ANK1: variants seen among roughly 807,000 people sequenced by gnomAD.
ANK1 encodes the protein ankyrin-1.
In ANK1, 51 loss-of-function variants were observed where a neutral mutation model predicts 210.4. The observed-to-expected ratio is 0.24, with a 90% confidence interval of 0.19 to 0.31. The LOEUF (loss-of-function observed/expected upper bound fraction) is 0.31, where lower values mean the gene tolerates loss of function less well. ANK1 is among the 10% of genes least tolerant of loss of function. The probability of loss-of-function intolerance (pLI) is 1.00; values close to 1 mark genes in which losing one functional copy is unlikely to be tolerated. For synonymous variants in ANK1, 967 were observed against 1,025.9 expected (o/e 0.94, Z 1.10); for missense variants, 2,051 against 2,504.4 (o/e 0.82, Z 3.86).
chr8:41,847,705 A>G (rs992456368), intron 1 of ANK1, among the ~76,000 whole-genome samples: 1 of 152,194 alleles, frequency 6.6e-6, no homozygotes, highest in Non-Finnish European at 1.5e-5. Flanking sequence ...AAATTAAGAC[A>G]TTACAGAGCG....
intron 38 of ANK1, among the ~76,000 whole-genome samples, chr8:41,670,321 G>A (rs1320857645): frequency 1.3e-5 from 2 of 151,912 alleles, no homozygotes; most frequent in Non-Finnish European, 2.9e-5. Context: ...AAATTCATCT[G>A]TCCCCATGAG....
rs1848888216 is a variant in ANK1 at position 41,797,082 on chromosome 8, C to T, written c.27+430G>A. Among the ~76,000 whole-genome samples, 1 of 152,206 alleles carries T rather than the reference C, an allele frequency of 6.6e-6. No individual in the cohort carries two copies. Among genetic ancestry groups the T allele is most frequent in the African/African-American group, 2.4e-5 (1 of 41,460 alleles). ...CAAGCCAAAGTCCCCTTCCAAATGACAGTGACAGCCCCCTAGCCGGGTGGC... is the reference window on the plus strand; with the variant it reads ...CAAGCCAAAGTCCCCTTCCAAATGATAGTGACAGCCCCCTAGCCGGGTGGC... On this transcript the variant is annotated intron_variant, in intron 1 of 42. Transcript: ENST00000289734. The surrounding 1 kb of genome is among the most constrained non-coding windows in gnomAD (Gnocchi z 4.0).
chr8:41,751,383 C>T (rs569147688), intron 2 of ANK1, among the ~76,000 whole-genome samples: 1 of 152,282 alleles, frequency 6.6e-6, no homozygotes, highest in East Asian at 1.9e-4. Flanking sequence ...GGAAGACCTG[C>T]TCGATGTTAC....
chr8:41,723,891 G>A (rs1332896010), intron 7 of ANK1, among the ~76,000 whole-genome samples: 4 of 150,594 alleles, frequency 2.7e-5, no homozygotes, highest in African/African-American at 9.8e-5. Context: ...CCGGGTTCAC[G>A]CCATTCTCCT....
chr8:41,666,577 C>T (rs564888972), intron 39 of ANK1, among the ~76,000 whole-genome samples: 4 of 152,364 alleles, frequency 2.6e-5, no homozygotes, highest in Middle Eastern at 3.4e-3. Context: ...TTTCAGGCCA[C>T]CTCCCAAGTC....
chr8:41,876,568 C>T (rs1371964678), intron 1 of ANK1, among the ~76,000 whole-genome samples: 4 of 152,262 alleles, frequency 2.6e-5, no homozygotes, highest in Non-Finnish European at 5.9e-5. Flanking sequence ...TGATACCTAG[C>T]CGACCCCAGC....
In ANK1 at chr8:41,694,031, G is replaced by A. The variant is rs117516263; in HGVS notation, c.3399C>T (p.Thr1133=). The A allele has an allele frequency of 4.8e-3, 7,809 of 1,614,026 alleles. 31 individuals carry two copies. Among genetic ancestry groups the A allele is most frequent in the Non-Finnish European group, 5.5e-3 (6,476 of 1,179,948 alleles). ...GNQATFSPIV[T]VEPRRRKFHR... is the part of the protein sequence containing the mutation. Reference sequence around the variant, plus strand: ...GGAACTTCCGGCGCCGGGGCTCCACGGTGACAATGGGGCTGAATGTGGCCT... The same window carrying A: ...GGAACTTCCGGCGCCGGGGCTCCACAGTGACAATGGGGCTGAATGTGGCCT... The change falls in exon 29 of 43, where the codon ACC becomes ACT. Residue 1133 remains threonine, a synonymous_variant. Coordinates refer to ENST00000289734, the MANE Select transcript of ANK1 (RefSeq NM_000037.4). This position sits in a 1 kb window ranked among gnomAD's most constrained non-coding sequence, Gnocchi z 5.7.
chr8:41,688,484 G>C (rs1818317007), intron 34 of ANK1, 27 bp downstream of exon 34: 1 of 1,608,652 alleles, frequency 6.2e-7, no homozygotes. Context: ...AAGGGAGCAA[G>C]CATGCATCAT....
chr8:41,791,953 A>T (rs561412520), intron 1 of ANK1, among the ~76,000 whole-genome samples: 112 of 152,070 alleles, frequency 7.4e-4, no homozygotes, highest in African/African-American at 2.6e-3. Flanking sequence ...TGTTTTTCCT[A>T]ATCTGTCTAT....
intron 37 of ANK1, among the ~76,000 whole-genome samples, chr8:41,678,844 C>T (rs1306771422): frequency 1.3e-5 from 2 of 152,272 alleles, no homozygotes; most frequent in Non-Finnish European, 2.9e-5. Flanking sequence ...AATGCAATGA[C>T]ACTATCTCGG....
intron 1 of ANK1, among the ~76,000 whole-genome samples, chr8:41,822,477 C>T (rs180782147): frequency 5.3e-5 from 8 of 152,276 alleles, no homozygotes; most frequent in East Asian, 3.9e-4. Context: ...CTTCAATATA[C>T]GCATATTAAC....
chr8:41,753,466 T>C (rs1431569715), intron 2 of ANK1, among the ~76,000 whole-genome samples: 2 of 151,970 alleles, frequency 1.3e-5, no homozygotes, highest in Admixed American at 1.3e-4. Context: ...TAACATCTGG[T>C]GCAGCTGGTT....
intron 1 of ANK1, among the ~76,000 whole-genome samples, chr8:41,835,920 C>T (rs1175239286): frequency 6.6e-6 from 1 of 152,224 alleles, no homozygotes; most frequent in African/African-American, 2.4e-5. Flanking sequence ...CCAGCACAAG[C>T]TCCCAGAGTC....
intron 1 of ANK1, among the ~76,000 whole-genome samples, chr8:41,805,169 CTT>C (rs1311475539): frequency 3.2e-5 from 4 of 124,824 alleles, no homozygotes; most frequent in Non-Finnish European, 6.0e-5. Flanking sequence ...CTCTCTCTCT[CTT>C]TCTTTCTTTC....
chr8:41,831,644 A>AG (rs1387516481), intron 1 of ANK1, among the ~76,000 whole-genome samples: 1 of 127,096 alleles, frequency 7.9e-6, no homozygotes, highest in African/African-American at 3.0e-5. Context: ...TCTGTCAAAA[A>AG]AAAAAAAAAA....
In ANK1 at chr8:41,723,201, C is replaced by G. The variant is rs777845119; in HGVS notation, c.833G>C (p.Cys278Ser). ...TCGCACGTGCCCATTTCGAGCTGCA[C>G]AGTGGAGAGGTGTCAATTCGTCCTT... The part of the protein sequence containing the change: ...KTKDELTPLH[C>S]AARNGHVRIS... The change falls in exon 9 of 43, where the codon TGT becomes TCT. Residue 278 changes from cysteine (C) to serine (S), a missense_variant. Coordinates refer to ENST00000289734, the MANE Select transcript of ANK1 (RefSeq NM_000037.4). 1 of 1,614,096 alleles carries G rather than the reference C, an allele frequency of 6.2e-7. No homozygotes were observed. Among genetic ancestry groups the G allele is most frequent in the Non-Finnish European group, 8.5e-7 (1 of 1,180,020 alleles).
chr8:41,798,499 G>C (rs557907394), upstream of ANK1, among the ~76,000 whole-genome samples: 39 of 152,336 alleles, frequency 2.6e-4, no homozygotes, highest in African/African-American at 8.7e-4. Flanking sequence ...GACCATCCCA[G>C]GCCAAGCTCC....
chr8:41,684,389 G>A (rs1218210425), intron 37 of ANK1, 155 bp downstream of exon 37: 1 of 1,257,842 alleles, frequency 8.0e-7, no homozygotes, highest in Non-Finnish European at 1.1e-6. Flanking sequence ...TGCTTCCCCG[G>A]AAAGGAGGAA....
intron 3 of ANK1, 98 bp downstream of exon 3, chr8:41,733,873 T>C: frequency 1.0e-6 from 1 of 971,956 alleles, no homozygotes; most frequent in East Asian, 2.4e-5. Flanking sequence ...GAAATTCAGA[T>C]GCATGCCTGA....
Sources: allele counts gnomAD v4.1 joint callset (sites outside exome capture counted in the v4.1 genomes callset), GRCh38; gene constraint gnomAD v4.1.1; non-coding constraint Gnocchi (gnomAD v3.1); transcripts MANE v1.5; gene names NCBI Gene and HGNC (gene_info 2026-07-23, HGNC 2026-07-21).